The following MGAT4C variants were observed in gnomAD, a reference collection of about 807,000 sequenced individuals.
MGAT4C encodes the protein MGAT4 family member C, also known as alpha-1,3-mannosyl-glycoprotein 4-beta-N-acetylglucosaminyltransferase C.
In MGAT4C, 19 loss-of-function variants were observed where a neutral mutation model predicts 40.1. The ratio of observed to expected loss-of-function variants is 0.47; its 90% CI spans 0.33 to 0.70. MGAT4C has a LOEUF of 0.70. MGAT4C is among the 30% of genes least tolerant of loss of function. The pLI is 0.02. For synonymous variants in MGAT4C, 181 were observed against 187.1 expected (o/e 0.97, Z 0.27); for missense variants, 491 against 563.2 (o/e 0.87, Z 1.30).
At chr12:86,325,610 G>A (rs1954507996) in intron 4 of MGAT4C, among the ~76,000 whole-genome samples, 1 of 152,140 alleles carries the variant, frequency 6.6e-6, no homozygotes, top group African/African-American at 2.4e-5. Context: ...GGGCACAGTG[G>A]CTCACACCTG....
chr12:86,791,096 A>C (rs1952013533), intron 1 of MGAT4C, among the ~76,000 whole-genome samples: 1 of 152,168 alleles, frequency 6.6e-6, no homozygotes. Context: ...GGGGACATGT[A>C]GGTGCTGAGA....
At chr12:86,634,752 T>C (rs2136511307) in intron 2 of MGAT4C, among the ~76,000 whole-genome samples, 1 of 152,264 alleles carries the variant, frequency 6.6e-6, no homozygotes, top group Middle Eastern at 3.4e-3. Flanking sequence ...CAGGACCAGC[T>C]GGAGACTGTC....
intron 3 of MGAT4C, among the ~76,000 whole-genome samples, chr12:86,399,119 C>G (rs1956309955): frequency 6.6e-6 from 1 of 151,836 alleles, no homozygotes; most frequent in Non-Finnish European, 1.5e-5. Flanking sequence ...TACAGGCACC[C>G]ACCACCGTGC....
intron 1 of MGAT4C, among the ~76,000 whole-genome samples, chr12:86,802,430 C>T (rs757493475): frequency 6.6e-6 from 1 of 152,056 alleles, no homozygotes. Context: ...ATTAGGCCTA[C>T]AGTTTGAAAA....
Position 86,728,525 on chromosome 12 carries a change from T to C in MGAT4C, c.-261-1284A>G, listed in dbSNP as rs1164108153. Among the ~76,000 whole-genome samples, 5 of 152,158 alleles carry C rather than the reference T, an allele frequency of 3.3e-5. No individual in the cohort carries two copies. In the East Asian group the frequency reaches 9.7e-4, roughly 29 times the overall value. On this transcript the variant is annotated intron_variant, in intron 1 of 7. Coordinates refer to the MGAT4C transcript ENST00000548651. Reference sequence around the variant, plus strand: ...GGCCAAGATGGTGAAACCTCGTCTCTACTGAAAATACAAAAATTAGCCTGG... The same window carrying C: ...GGCCAAGATGGTGAAACCTCGTCTCCACTGAAAATACAAAAATTAGCCTGG...
chr12:86,718,567 T>A (rs1247388813), intron 2 of MGAT4C, among the ~76,000 whole-genome samples: 1 of 152,132 alleles, frequency 6.6e-6, no homozygotes, highest in South Asian at 2.1e-4. Context: ...CTTTACTTGA[T>A]CTCTCTACAT....
chr12:86,406,195 A>G (rs1037405602), intron 3 of MGAT4C, among the ~76,000 whole-genome samples: 23 of 151,128 alleles, frequency 1.5e-4, no homozygotes, highest in Admixed American at 4.0e-4. Flanking sequence ...AGCTAGTCAA[A>G]AAGTGCTTAG....
rs561027577 is a variant in MGAT4C at position 86,125,864 on chromosome 12, G to A, written c.-56-76141C>T. Among the ~76,000 whole-genome samples the A allele has an allele frequency of 3.3e-5, 5 of 151,784 alleles. No homozygotes were observed. In the South Asian group the frequency reaches 1.0e-3, roughly 31 times the overall value. On this transcript the variant is annotated intron_variant, in intron 1 of 4. Transcript: ENST00000611864. ...AGTGACAGCTGCATAAACTAAAAAA[G>A]ACATTTTATATGAGTCTGAAAATTT...
At chr12:86,769,684 C>T (rs1422792618) in intron 1 of MGAT4C, among the ~76,000 whole-genome samples, 2 of 151,954 alleles carry the variant, frequency 1.3e-5, no homozygotes, top group African/African-American at 4.8e-5. Flanking sequence ...ACTATGCAGC[C>T]ATAAAAAATG....
At chr12:86,622,438 T>G (rs533572542) in intron 2 of MGAT4C, among the ~76,000 whole-genome samples, 1 of 151,852 alleles carries the variant, frequency 6.6e-6, no homozygotes, top group Non-Finnish European at 1.5e-5. Context: ...ATATTTAGAG[T>G]GAAAAAAACC....
At chr12:86,779,567 A>G (rs898042095) in intron 1 of MGAT4C, among the ~76,000 whole-genome samples, 3 of 151,886 alleles carry the variant, frequency 2.0e-5, no homozygotes, top group Non-Finnish European at 4.4e-5. Context: ...GCGACACTGC[A>G]CTACAGCCTG....
intron 2 of MGAT4C, among the ~76,000 whole-genome samples, chr12:86,545,291 A>C (rs1959187606): frequency 6.6e-6 from 1 of 152,044 alleles, no homozygotes; most frequent in African/African-American, 2.4e-5. Flanking sequence ...CATTTTTCTA[A>C]AATAGATGCA....
intron 2 of MGAT4C, among the ~76,000 whole-genome samples, chr12:86,456,763 T>C (rs1409300770): frequency 6.6e-6 from 1 of 152,010 alleles, no homozygotes; most frequent in African/African-American, 2.4e-5. Context: ...CTTGAGAAAA[T>C]TAGGTTGTCC....
intron 1 of MGAT4C, among the ~76,000 whole-genome samples, chr12:86,191,784 G>GTGTA (rs1311821594): frequency 6.8e-6 from 1 of 147,052 alleles, no homozygotes; most frequent in African/African-American, 2.5e-5. Context: ...GTGTGTGTGT[G>GTGTA]TGTGGTGTTT....
At position 86,296,714 on chromosome 12, in the gene MGAT4C, C is replaced by T. The variant is rs552466853; in HGVS notation, c.-57+37351G>A. 5.1e-4 allele frequency among the ~76,000 whole-genome samples: 77 copies of T among 152,334 alleles called. No homozygotes were observed. The East Asian group carries it at 6.8e-3, about 13-fold the overall frequency. On this transcript the variant is annotated intron_variant, in intron 4 of 7. Coordinates refer to the MGAT4C transcript ENST00000548651. ...GGCTCCGAGTGCGGGGCCCGCCAAG[C>T]CCAGAACTCCAGCTGGCCCGCAAGC...
chr12:86,250,233 T>C (rs933860674), intron 1 of MGAT4C, among the ~76,000 whole-genome samples: 1 of 152,122 alleles, frequency 6.6e-6, no homozygotes, highest in African/African-American at 2.4e-5. Context: ...TTACATTTTT[T>C]ATCCTTTTCT....
At chr12:86,746,830 C>T (rs556761479) in intron 1 of MGAT4C, among the ~76,000 whole-genome samples, 130 of 151,518 alleles carry the variant, frequency 8.6e-4, no homozygotes, top group African/African-American at 2.9e-3. Flanking sequence ...TCTGAGTTGC[C>T]GTAGAGACAC....
Position 86,680,546 on chromosome 12 carries a change from C to T in MGAT4C, c.-229+46663G>A, listed in dbSNP as rs117508513. 6.3e-3 allele frequency among the ~76,000 whole-genome samples: 960 copies of T among 152,134 alleles called. 7 individuals carry two copies. Among genetic ancestry groups the T allele is most frequent in the Non-Finnish European group, 9.2e-3 (628 of 67,936 alleles). On this transcript the variant is annotated intron_variant, in intron 2 of 7. Transcript: ENST00000548651. ...TTCGTTTAATGTAGTCTAAAAGATACATAGAGCATAAATTCTGGCCATAGG... is the reference window on the plus strand; with the variant it reads ...TTCGTTTAATGTAGTCTAAAAGATATATAGAGCATAAATTCTGGCCATAGG...
At chr12:86,561,364 A>G (rs929561619) in intron 2 of MGAT4C, among the ~76,000 whole-genome samples, 2 of 152,172 alleles carry the variant, frequency 1.3e-5, no homozygotes, top group Non-Finnish European at 2.9e-5. Flanking sequence ...ATTAAAATAG[A>G]GTCAGTGAAC....
Sources: gnomAD v4.1 joint callset for allele counts (sites outside exome capture counted in the v4.1 genomes callset) on GRCh38, gnomAD v4.1.1 for gene constraint, MANE v1.5 for transcripts, NCBI Gene and HGNC (gene_info 2026-07-23, HGNC 2026-07-21) for gene names.